Variants in HK1 observed in about 807,000 individuals in gnomAD.
HK1 encodes the protein hexokinase 1, also known as hexokinase-1.
A neutral mutation model predicts 91.6 loss-of-function variants in HK1; 28 were observed. The observed-to-expected ratio is 0.31, with a 90% confidence interval of 0.23 to 0.42. The LOEUF is 0.42. HK1 is among the 10% of genes least tolerant of loss of function. The pLI is 1.00. For synonymous variants in HK1, 430 were observed against 468.1 expected (o/e 0.92, Z 1.05); for missense variants, 770 against 1,219.8 (o/e 0.63, Z 5.49).
intron 1 of HK1, among the ~76,000 whole-genome samples, chr10:69,326,525 T>C (rs1187342788): frequency 6.6e-6 from 1 of 152,232 alleles, no homozygotes; most frequent in Non-Finnish European, 1.5e-5. Flanking sequence ...GGGCTCTTCT[T>C]GCTTCCTCTG....
chr10:69,351,708 C>T (rs889120667), intron 2 of HK1, among the ~76,000 whole-genome samples: 1 of 152,134 alleles, frequency 6.6e-6, no homozygotes, highest in African/African-American at 2.4e-5. Context: ...ATTATGGCTT[C>T]GGATTCAAAT....
At chr10:69,309,500 A>G (rs1228431032) in intron 5 of HK1, among the ~76,000 whole-genome samples, 10 of 135,712 alleles carry the variant, frequency 7.4e-5, no homozygotes, top group Non-Finnish European at 4.7e-5. Context: ...CTCATTAAAA[A>G]AAAAAAAAAA....
At chr10:69,325,450 T>C (rs1207369083) in intron 1 of HK1, among the ~76,000 whole-genome samples, 1 of 151,506 alleles carries the variant, frequency 6.6e-6, no homozygotes, top group Non-Finnish European at 1.5e-5. Flanking sequence ...CTCTGTCTCC[T>C]GGGTTCAAGC....
chr10:69,277,973 C>G (rs1164825354), intron 1 of HK1, among the ~76,000 whole-genome samples: 1 of 151,634 alleles, frequency 6.6e-6, no homozygotes, highest in African/African-American at 2.4e-5. Context: ...GCGAAGGTTG[C>G]AGTGAGCCGA....
At position 69,401,426 on chromosome 10, in the gene HK1, A is replaced by AT. The variant is rs1227404925; in HGVS notation, c.*293dup. On this transcript the variant is annotated 3_prime_UTR_variant, in exon 18 of 18. Transcript: ENST00000359426. ...AGTGGCATCCATTTCTAATGTATGC[A>AT]TTCATCCAACAGAGTTATTTATTGG... 3 of 509,716 alleles carry AT rather than the reference A, an allele frequency of 5.9e-6. No homozygotes were observed. The Admixed American group carries it at 1.0e-4, about 17-fold the overall frequency. The allele number at this position is 509,716 out of a possible 1,614,324, so 31.6% of individuals were successfully genotyped here.
intron 3 of HK1, among the ~76,000 whole-genome samples, chr10:69,292,626 G>A (rs1006845223): frequency 2.0e-5 from 3 of 152,156 alleles, no homozygotes; most frequent in African/African-American, 7.2e-5. Flanking sequence ...TAATATTTAT[G>A]CTGTGCTTTC....
chr10:69,299,908 C>A lies in HK1; in HGVS notation c.-66-861C>A, dbSNP rs548413660. The stretch of plus-strand genomic sequence containing the variant: ...AACTCCTGACCTCATGATTCGCCTG[C>A]CTTGGCCTCCCAAAGTGCTGGGATT... On this transcript the variant is annotated intron_variant, in intron 4 of 21. Transcript: ENST00000360289. Among the ~76,000 whole-genome samples the A allele has an allele frequency of 5.3e-5, 8 of 151,178 alleles. No homozygotes were observed. The South Asian group carries it at 1.7e-3, about 31-fold the overall frequency.
intron 1 of HK1, among the ~76,000 whole-genome samples, chr10:69,342,017 G>A (rs919251131): frequency 1.2e-4 from 18 of 151,918 alleles, no homozygotes; most frequent in African/African-American, 4.4e-4. Flanking sequence ...GCGTGGTGGC[G>A]CACGCCTGTA....
chr10:69,375,836 G>A (rs963161065), intron 7 of HK1, among the ~76,000 whole-genome samples: 7 of 152,160 alleles, frequency 4.6e-5, no homozygotes, highest in African/African-American at 1.2e-4. Context: ...GCCAGCTCCC[G>A]GCTGGGCCTT....
intron 1 of HK1, among the ~76,000 whole-genome samples, chr10:69,330,681 C>T (rs919008073): frequency 8.5e-5 from 13 of 152,056 alleles, no homozygotes; most frequent in Non-Finnish European, 1.9e-4. Context: ...AGGTGTCTAC[C>T]TTATACCCAG....
chr10:69,280,029 T>C (rs182203300), intron 1 of HK1, among the ~76,000 whole-genome samples: 2 of 152,362 alleles, frequency 1.3e-5, no homozygotes, highest in Admixed American at 6.5e-5. Context: ...ATGAAAGGAT[T>C]GACCTGCGAG....
At chr10:69,276,748 ATCAT>A (rs1844497821) in intron 1 of HK1, among the ~76,000 whole-genome samples, 1 of 149,986 alleles carries the variant, frequency 6.7e-6, no homozygotes, top group South Asian at 2.1e-4. Context: ...TAAACATCAA[ATCAT>A]TCAATCATTT....
chr10:69,284,213 G>T (rs940913544), intron 2 of HK1, among the ~76,000 whole-genome samples: 24 of 152,270 alleles, frequency 1.6e-4, no homozygotes, highest in Non-Finnish European at 1.5e-5. Context: ...ATCTCAGCTT[G>T]GTTAGCTTAC....
chr10:69,327,085 A>G (rs1201917838), intron 1 of HK1, among the ~76,000 whole-genome samples: 1 of 144,006 alleles, frequency 6.9e-6, no homozygotes, highest in Non-Finnish European at 1.5e-5. Context: ...GCTCACAGCA[A>G]CCTCTGCCTC....
At chr10:69,315,485 G>A (rs950946368), upstream of HK1, among the ~76,000 whole-genome samples, 2 of 152,194 alleles carry the variant, frequency 1.3e-5, no homozygotes, top group African/African-American at 4.8e-5. Context: ...GGGAAGTGGA[G>A]GGCCATCTGG....
At chr10:69,306,669 A>T (rs929600300) in intron 5 of HK1, among the ~76,000 whole-genome samples, 3 of 152,228 alleles carry the variant, frequency 2.0e-5, no homozygotes, top group Non-Finnish European at 2.9e-5. Flanking sequence ...GAAGGAAGGG[A>T]TAACTTCTAG....
chr10:69,272,203 T>C (rs1355699028), intron 1 of HK1, among the ~76,000 whole-genome samples: 1 of 152,226 alleles, frequency 6.6e-6, no homozygotes, highest in Non-Finnish European at 1.5e-5. Context: ...AAGTCACAGA[T>C]GCTGCTAGCA....
chr10:69,318,275 A>T, upstream of HK1: 1 of 969,480 alleles, frequency 1.0e-6, no homozygotes, highest in Non-Finnish European at 1.2e-6. Context: ...AAGGCGCGGG[A>T]CCCGGGTGCG....
intron 3 of HK1, among the ~76,000 whole-genome samples, chr10:69,291,225 C>G (rs1392344425): frequency 1.3e-5 from 2 of 152,232 alleles, no homozygotes; most frequent in East Asian, 1.9e-4. Flanking sequence ...TGGCAGTCAG[C>G]AGGTTTGGAC....
Sources: gnomAD v4.1 joint callset for allele counts (sites outside exome capture counted in the v4.1 genomes callset) on GRCh38, gnomAD v4.1.1 for gene constraint, MANE v1.5 for transcripts, NCBI Gene and HGNC (gene_info 2026-07-23, HGNC 2026-07-21) for gene names.